Variants in MGAT4C observed in about 807,000 individuals in gnomAD.
The protein encoded by MGAT4C is MGAT4 family member C.
Under a neutral mutation model 40.1 loss-of-function variants are expected in MGAT4C, and 19 were observed. The ratio of observed to expected loss-of-function variants is 0.47; its 90% CI spans 0.33 to 0.70. The LOEUF is 0.70. Among genes scored for constraint, MGAT4C ranks in the 30% least tolerant of loss-of-function variants. The probability of loss-of-function intolerance (pLI) is 0.02; values close to 1 mark genes in which losing one functional copy is unlikely to be tolerated. For synonymous variants in MGAT4C, 181 were observed against 187.1 expected, an observed-to-expected ratio of 0.97 and a Z score of 0.27; for missense variants, 491 against 563.2, an observed-to-expected ratio of 0.87 and a Z score of 1.30.
At chr12:86,756,913 A>C (rs1255505787) in intron 1 of MGAT4C, among the ~76,000 whole-genome samples, 1 of 152,332 alleles carries the variant, frequency 6.6e-6, no homozygotes, top group East Asian at 1.9e-4. Context: ...ACTTTGCTTC[A>C]AATGTATAAC....
chr12:86,091,224 C>A (rs1289843195), intron 1 of MGAT4C, among the ~76,000 whole-genome samples: 1 of 151,900 alleles, frequency 6.6e-6, no homozygotes, highest in Non-Finnish European at 1.5e-5. Flanking sequence ...AGAATAAAAG[C>A]AGTATCCTTG....
At chr12:86,155,780 T>TG (rs1884860764) in intron 1 of MGAT4C, among the ~76,000 whole-genome samples, 2 of 152,126 alleles carry the variant, frequency 1.3e-5, no homozygotes, top group South Asian at 2.1e-4. Flanking sequence ...CAAATTATGG[T>TG]GAAAAAAAGG....
At chr12:86,165,464 C>T (rs1024897042) in intron 1 of MGAT4C, among the ~76,000 whole-genome samples, 3 of 152,108 alleles carry the variant, frequency 2.0e-5, no homozygotes, top group Non-Finnish European at 4.4e-5. Context: ...TGTCTATGAG[C>T]TAAACATTTT....
intron 1 of MGAT4C, among the ~76,000 whole-genome samples, chr12:86,146,150 T>A (rs1446012530): frequency 2.0e-5 from 3 of 152,174 alleles, no homozygotes; most frequent in Non-Finnish European, 2.9e-5. Flanking sequence ...TACTTTGTTT[T>A]CTATGATCCG....
chr12:86,470,648 T>A (rs1006585555), intron 2 of MGAT4C, among the ~76,000 whole-genome samples: 1 of 152,192 alleles, frequency 6.6e-6, no homozygotes, highest in Admixed American at 6.5e-5. Context: ...CTATAAATAC[T>A]ATTTAGACTT....
rs551845028 is a variant in MGAT4C at position 86,584,977 on chromosome 12, T to C, written c.-229+142232A>G. Among the ~76,000 whole-genome samples, 3 of 151,514 alleles carry C rather than the reference T, an allele frequency of 2.0e-5. No homozygotes were observed. In the East Asian group the frequency reaches 5.8e-4, roughly 29 times the overall value. On this transcript the variant is annotated intron_variant, in intron 2 of 7. Coordinates refer to the MGAT4C transcript ENST00000548651. ...ATATCTCATATAGCAGGTTGAGCCA[T>C]GTGTATTTGTCAATTAGTGAAAATT...
chr12:86,298,940 A>T (rs1953745565), intron 4 of MGAT4C, among the ~76,000 whole-genome samples: 1 of 152,108 alleles, frequency 6.6e-6, no homozygotes, highest in African/African-American at 2.4e-5. Flanking sequence ...GGAAATTATC[A>T]CCAATGAGTG....
At chr12:86,773,558 A>G (rs1458333163) in intron 1 of MGAT4C, among the ~76,000 whole-genome samples, 1 of 152,208 alleles carries the variant, frequency 6.6e-6, no homozygotes, top group Non-Finnish European at 1.5e-5. Flanking sequence ...CCTACTGAGG[A>G]ATTAATATTT....
At position 86,676,484 on chromosome 12, in the gene MGAT4C, A is replaced by T. The variant is rs140912416; in HGVS notation, c.-229+50725T>A. On this transcript the variant is annotated intron_variant, in intron 2 of 7. Transcript: ENST00000548651. The stretch of plus-strand genomic sequence containing the variant: ...ACATAATCTACATTCCACACTCAGG[A>T]TAGAAACATTAGAACATAATTGTCC... Among the ~76,000 whole-genome samples the T allele has an allele frequency of 8.7e-3, 1,323 of 152,286 alleles. 8 individuals are homozygous for T. The highest frequency in any genetic ancestry group is 0.017 in the Middle Eastern group (5 of 294).
chr12:86,489,019 C>T (rs1364779153), intron 2 of MGAT4C, among the ~76,000 whole-genome samples: 2 of 152,240 alleles, frequency 1.3e-5, no homozygotes, highest in African/African-American at 4.8e-5. Context: ...TCTAACCCAG[C>T]TGGTGCTCTC....
intron 1 of MGAT4C, among the ~76,000 whole-genome samples, chr12:86,113,672 T>A (rs1224236742): frequency 6.6e-6 from 1 of 151,854 alleles, no homozygotes; most frequent in Non-Finnish European, 1.5e-5. Context: ...ACTAGATGTA[T>A]CCTTGTCTGT....
At chr12:86,274,680 T>G (rs761108329) in intron 4 of MGAT4C, among the ~76,000 whole-genome samples, 1 of 152,184 alleles carries the variant, frequency 6.6e-6, no homozygotes, top group Non-Finnish European at 1.5e-5. Context: ...GCAAAAGTAG[T>G]ATTTAATAGA....
intron 1 of MGAT4C, among the ~76,000 whole-genome samples, chr12:86,200,089 C>T (rs189495136): frequency 1.7e-4 from 24 of 141,862 alleles, no homozygotes; most frequent in Admixed American, 4.2e-4. Flanking sequence ...CTAGCTTGTT[C>T]TGTAACTTCA....
At chr12:86,346,212 GTTTTTT>G (rs1491415528) in intron 3 of MGAT4C, among the ~76,000 whole-genome samples, 1 of 151,968 alleles carries the variant, frequency 6.6e-6, no homozygotes, top group Non-Finnish European at 1.5e-5. Flanking sequence ...ATACTAGGTA[GTTTTTT>G]TGTTTTTGTT....
intron 1 of MGAT4C, among the ~76,000 whole-genome samples, chr12:86,103,153 T>G (rs1875437112): frequency 6.6e-6 from 1 of 152,128 alleles, no homozygotes; most frequent in Admixed American, 6.6e-5. Flanking sequence ...ATAGGTCAGC[T>G]AGGGAGTTAA....
intron 2 of MGAT4C, among the ~76,000 whole-genome samples, chr12:86,557,541 C>T (rs1220859841): frequency 3.9e-5 from 6 of 152,132 alleles, no homozygotes; most frequent in Admixed American, 1.3e-4. Flanking sequence ...ACCTGATGTC[C>T]CTATTCTTAG....
intron 1 of MGAT4C, among the ~76,000 whole-genome samples, chr12:86,110,281 C>A (rs1176275941): frequency 3.5e-4 from 6 of 17,116 alleles, no homozygotes; most frequent in Non-Finnish European, 6.7e-4. Flanking sequence ...TATATATAGT[C>A]TATATATATA....
chr12:86,129,581 A>T (rs1880868955), intron 1 of MGAT4C, among the ~76,000 whole-genome samples: 1 of 21,156 alleles, frequency 4.7e-5, no homozygotes, highest in Non-Finnish European at 6.5e-5. Context: ...TTTTTTTGAG[A>T]CGGAGTCTCG....
intron 2 of MGAT4C, among the ~76,000 whole-genome samples, chr12:86,476,876 T>C (rs1401528176): frequency 6.6e-6 from 1 of 152,042 alleles, no homozygotes; most frequent in African/African-American, 2.4e-5. Flanking sequence ...AGTTAAGCCT[T>C]GGGGACTGAT....
Sources: allele counts gnomAD v4.1 joint callset (sites outside exome capture counted in the v4.1 genomes callset), GRCh38; gene constraint gnomAD v4.1.1; transcripts MANE v1.5; gene names NCBI Gene and HGNC (gene_info 2026-07-23, HGNC 2026-07-21).